The following HECTD4 variants were observed in gnomAD, a reference collection of about 807,000 sequenced individuals.
The protein encoded by HECTD4 is HECT domain E3 ubiquitin protein ligase 4.
In HECTD4, 114 loss-of-function variants were observed where a neutral mutation model predicts 471.5. That is an observed-to-expected ratio of 0.24 (90% CI 0.21 to 0.28). The LOEUF is 0.28. HECTD4 is among the 10% of genes least tolerant of loss of function. The probability of loss-of-function intolerance (pLI) is 1.00; values close to 1 mark genes in which losing one functional copy is unlikely to be tolerated. For missense variants in HECTD4, 3,866 were observed against 5,651.5 expected (o/e 0.68, Z 10.13); for synonymous variants, 2,012 against 2,256.0 (o/e 0.89, Z 3.07).
At chr12:112,292,031 G>C (rs1409421091) in intron 7 of HECTD4, among the ~76,000 whole-genome samples, 1 of 151,950 alleles carries the variant, frequency 6.6e-6, no homozygotes, top group Non-Finnish European at 1.5e-5. Flanking sequence ...TTTAAAACAC[G>C]ATCCCATCAC....
intron 37 of HECTD4, among the ~76,000 whole-genome samples, chr12:112,233,864 G>A (rs1015570919): frequency 1.3e-5 from 2 of 152,108 alleles, no homozygotes; most frequent in African/African-American, 4.8e-5. Flanking sequence ...AAACAAAACT[G>A]TGAAGAACAC....
Position 112,363,877 on chromosome 12 carries a change from G to C in HECTD4, c.177+18075C>G, listed in dbSNP as rs575085017. On this transcript the variant is annotated intron_variant, in intron 1 of 75. Transcript: ENST00000682272. ...TGCAATCCTAGCTACTCAGGAGGCT[G>C]AGGCAGGAGAATTGCTTGAACCTGG... is the stretch of plus-strand genomic sequence containing the variant. 1.6e-4 allele frequency among the ~76,000 whole-genome samples: 24 copies of C among 151,410 alleles called. No individual in the cohort carries two copies. The South Asian group carries it at 5.0e-3, about 32-fold the overall frequency.
intron 72 of HECTD4, 105 bp from the exon 73 acceptor site, chr12:112,164,380 C>G (rs1282674264): frequency 3.2e-6 from 4 of 1,235,848 alleles, no homozygotes; most frequent in Admixed American, 2.1e-5. Context: ...GGGGTCTACC[C>G]TCGGCCGTGT....
intron 1 of HECTD4, among the ~76,000 whole-genome samples, chr12:112,380,289 A>G (rs1036713995): frequency 6.6e-6 from 1 of 152,098 alleles, no homozygotes; most frequent in African/African-American, 2.4e-5. Flanking sequence ...TACTAAAAAT[A>G]CAAAAATTAG....
chr12:112,254,327 T>A, intron 21 of HECTD4, 165 bp from the exon 22 acceptor site: 1 of 720,644 alleles, frequency 1.4e-6, no homozygotes, highest in Non-Finnish European at 2.2e-6. Flanking sequence ...TAACTGATAC[T>A]AGTTTGGATG....
At chr12:112,165,222 CT>C (rs1193174494) in intron 72 of HECTD4, among the ~76,000 whole-genome samples, 402 of 137,902 alleles carry the variant, frequency 2.9e-3, no homozygotes, top group Admixed American at 2.8e-3. Context: ...TGTCCTCTTT[CT>C]TTTTTTTTTT....
chr12:112,262,749 G>A (rs904369029), intron 17 of HECTD4, among the ~76,000 whole-genome samples: 2 of 151,834 alleles, frequency 1.3e-5, no homozygotes, highest in South Asian at 2.1e-4. Flanking sequence ...ACCAGCAGCT[G>A]GAATTACAGG....
chr12:112,240,893 G>A lies in HECTD4; in HGVS notation c.4959-866C>T, dbSNP rs11066211. On this transcript the variant is annotated intron_variant, in intron 32 of 75. Transcript: ENST00000682272. Reference sequence around the variant, plus strand: ...TTTCCCAATGCAAAACACAACATAGGGCCGATTCTATACCAATTAATATTA... The same window carrying A: ...TTTCCCAATGCAAAACACAACATAGAGCCGATTCTATACCAATTAATATTA... Among the ~76,000 whole-genome samples the A allele has an allele frequency of 0.021, 3,228 of 152,144 alleles. 735 individuals carry two copies. The East Asian group carries it at 0.52, about 25-fold the overall frequency.
intron 55 of HECTD4, among the ~76,000 whole-genome samples, chr12:112,198,771 T>C (rs1429197841): frequency 1.3e-5 from 2 of 152,220 alleles, no homozygotes; most frequent in Admixed American, 1.3e-4. Context: ...AACCCTATCC[T>C]TGTCTACCTC....
At chr12:112,367,799 C>A (rs1255185731) in intron 1 of HECTD4, among the ~76,000 whole-genome samples, 1 of 109,630 alleles carries the variant, frequency 9.1e-6, no homozygotes, top group Non-Finnish European at 1.7e-5. Context: ...CCAGCCTGGG[C>A]AACAGAGGGA....
At chr12:112,258,257 G>C (rs2034068711) in intron 20 of HECTD4, 1 of 338,806 alleles carries the variant, frequency 3.0e-6, no homozygotes, top group Non-Finnish European at 5.3e-6. Context: ...CCCACTATTA[G>C]CATATGAGAA....
intron 5 of HECTD4, 87 bp downstream of exon 5, chr12:112,309,474 G>A: frequency 1.6e-6 from 1 of 621,302 alleles, no homozygotes; most frequent in Non-Finnish European, 2.8e-6. Context: ...TGGGGAGCTG[G>A]AATCTACCCA....
Position 112,194,916 on chromosome 12 carries a change from C to T in HECTD4, c.8718G>A (p.Leu2906=), listed in dbSNP as rs368946378. Residue 2906 remains leucine (L), a synonymous_variant, in exon 56 of 76, where the codon CTG becomes CTA. Coordinates refer to ENST00000682272, the MANE Select transcript of HECTD4 (RefSeq NM_001388303.1). The surrounding 1 kb of genome is among the most constrained non-coding windows in gnomAD (Gnocchi z 4.6). ...RDITLEHLQL[L]SNQLLAPPLP... ...GAGGAGGTGCGAGGAGCTGATTGGA[C>T]AGCAGTTGCAGGTGCTCCAGGGTAA... 1.9e-6 allele frequency: 3 copies of T among 1,608,552 alleles called. No homozygotes were observed. The highest frequency in any genetic ancestry group is 2.5e-6 in the Non-Finnish European group (3 of 1,177,652).
chr12:112,296,123 T>C (rs1312510797), intron 7 of HECTD4, among the ~76,000 whole-genome samples: 1 of 152,046 alleles, frequency 6.6e-6, no homozygotes, highest in Non-Finnish European at 1.5e-5. Flanking sequence ...CAAGAAGGTA[T>C]GGTAGGTGCA....
At chr12:112,231,153 C>T in intron 39 of HECTD4, 1 of 439,980 alleles carries the variant, frequency 2.3e-6, no homozygotes, top group Non-Finnish European at 4.1e-6. Flanking sequence ...CACTTAACTG[C>T]TGCTTCTGCT....
intron 13 of HECTD4, 91 bp downstream of exon 13, chr12:112,269,613 G>T: frequency 7.4e-7 from 1 of 1,351,040 alleles, no homozygotes; most frequent in East Asian, 2.3e-5. Context: ...GGGGTAAGAG[G>T]CATTTATACT....
chr12:112,372,837 C>A (rs971877032), intron 1 of HECTD4, among the ~76,000 whole-genome samples: 1 of 152,084 alleles, frequency 6.6e-6, no homozygotes, highest in African/African-American at 2.4e-5. Context: ...CTACTACAAC[C>A]TTTGCCTCCT....
Position 112,228,553 on chromosome 12 carries a change from G to T in HECTD4, c.6684+94C>A. 1 of 1,098,250 alleles carries T rather than the reference G, an allele frequency of 9.1e-7. No homozygotes were observed. The highest frequency in any genetic ancestry group is 1.3e-6 in the Non-Finnish European group (1 of 776,488). The allele number at this position is 1,098,250 out of a possible 1,614,324, so 68.0% of individuals were successfully genotyped here. On this transcript the variant is annotated intron_variant, in intron 42 of 75. Coordinates refer to ENST00000682272, the MANE Select transcript of HECTD4 (RefSeq NM_001388303.1). This position sits in a 1 kb window ranked among gnomAD's most constrained non-coding sequence, Gnocchi z 4.9. ...CACAAGTACAATTTAAGATAATCAA[G>T]CATTTGTGCTTCTGCACTGAGCATG...
At chr12:112,222,907 T>C (rs1035022675) in intron 44 of HECTD4, among the ~76,000 whole-genome samples, 2 of 152,166 alleles carry the variant, frequency 1.3e-5, no homozygotes, top group African/African-American at 2.4e-5. Context: ...GAAGGAGAGC[T>C]GATTCCAGAG....
Sources: gnomAD v4.1 joint callset for allele counts (sites outside exome capture counted in the v4.1 genomes callset) on GRCh38, gnomAD v4.1.1 for gene constraint, Gnocchi (gnomAD v3.1) non-coding constraint, MANE v1.5 for transcripts, NCBI Gene and HGNC (gene_info 2026-07-23, HGNC 2026-07-21) for gene names.